Variants in SLC30A5 observed in about 807,000 individuals in gnomAD.
The protein encoded by SLC30A5 is proton-coupled zinc antiporter SLC30A5.
SLC30A5 carries 33 observed loss-of-function variants against 79.6 expected under a neutral mutation model. The ratio of observed to expected loss-of-function variants is 0.41; its 90% CI spans 0.31 to 0.55. SLC30A5 has a LOEUF of 0.55. Ranked by LOEUF, SLC30A5 falls within the 20% of genes least tolerant of loss-of-function variation. The pLI is 0.20. For missense variants in SLC30A5, 788 were observed against 928.1 expected (o/e 0.85, Z 1.96); for synonymous variants, 299 against 319.7 (o/e 0.94, Z 0.69).
At chr5:69,124,510 A>C (rs887089673) in intron 14 of SLC30A5, among the ~76,000 whole-genome samples, 11 of 152,170 alleles carry the variant, frequency 7.2e-5, no homozygotes, top group African/African-American at 2.7e-4. Flanking sequence ...ATTATATAAA[A>C]ATACATTTCC....
intron 15 of SLC30A5, 136 bp from the exon 16 acceptor site, chr5:69,129,311 A>G: frequency 1.7e-6 from 1 of 591,482 alleles, no homozygotes; most frequent in East Asian, 3.1e-5. Flanking sequence ...AAAAAGTTTC[A>G]GATTTTAGAG....
In SLC30A5 at chr5:69,116,408, T is replaced by C; in HGVS notation, c.1087T>C (p.Ser363Pro). The change falls in exon 10 of 16, where the codon TCA becomes CCA. Residue 363 changes from serine to proline, a missense_variant. Physicochemically the swap from Ser to Pro is moderately conservative, Grantham distance 74. Around this residue, in one of 3 missense-constraint regions of SLC30A5, gnomAD observed 626 missense variants for 755.5 expected, o/e 0.83. Coordinates refer to ENST00000396591, the MANE Select transcript of SLC30A5 (RefSeq NM_022902.5). The surrounding 1 kb of genome is among the most constrained non-coding windows in gnomAD (Gnocchi z 4.0). ...TCTCTTTGTAGCTGCCAATATCTTA[T>C]CATCTCCCTCTAAGAGAGGACAAAA... ...IFFILSANIL[S>P]SPSKRGQKGT... 2.5e-6 allele frequency: 4 copies of C among 1,582,900 alleles called. No individual in the cohort carries two copies. The highest frequency in any genetic ancestry group is 3.4e-6 in the Non-Finnish European group (4 of 1,170,494).
rs1439269719 is a variant in SLC30A5, at chr5:69,117,249, T to G, written c.1292T>G (p.Phe431Cys). 1 of 1,611,660 alleles carries G rather than the reference T, an allele frequency of 6.2e-7. No individual in the cohort carries two copies. Among genetic ancestry groups the G allele is most frequent in the African/African-American group, 1.3e-5 (1 of 74,840 alleles). ...YFLCLNLLFT[F>C]VELFYGVLTN... The stretch of plus-strand genomic sequence containing the variant: ...TGGTGACATTTTTAGCTTTTTACCT[T>G]TGTGGAATTATTCTATGGCGTGCTG... Residue 431 changes from phenylalanine to cysteine, a missense_variant, in exon 11 of 16, where the codon TTT (phenylalanine) becomes TGT (cysteine). By Grantham distance (205) the Phe-to-Cys change is radical. Coordinates refer to ENST00000396591, the MANE Select transcript of SLC30A5 (RefSeq NM_022902.5).
intron 4 of SLC30A5, among the ~76,000 whole-genome samples, chr5:69,107,186 T>C (rs1746101802): frequency 6.6e-6 from 1 of 152,114 alleles, no homozygotes; most frequent in African/African-American, 2.4e-5. Flanking sequence ...AACTAAGACA[T>C]GCACACATTA....
In SLC30A5 at chr5:69,118,549, T is replaced by C. The variant is rs749334406; in HGVS notation, c.1490T>C (p.Ile497Thr). The C allele has an allele frequency of 1.2e-6, 2 of 1,603,302 alleles. No homozygotes were observed. Among genetic ancestry groups the C allele is most frequent in the South Asian group, 1.1e-5 (1 of 89,378 alleles). The part of the protein sequence containing the change: ...LSGFINGLFL[I>T]VIAFFVFMES... ...GGATTTATTAATGGACTTTTTCTAA[T>C]AGTAATAGCGTTTTTTGTGTTTATG... Residue 497 changes from isoleucine to threonine, a missense_variant, in exon 12 of 16, where the codon ATA becomes ACA. Ile to Thr is a moderately conservative substitution (Grantham distance 89). Coordinates refer to ENST00000396591, the MANE Select transcript of SLC30A5 (RefSeq NM_022902.5).
At chr5:69,109,481 CAT>C (rs898150265) in intron 5 of SLC30A5, among the ~76,000 whole-genome samples, 3 of 152,064 alleles carry the variant, frequency 2.0e-5, no homozygotes, top group African/African-American at 7.2e-5. Context: ...GAAATTTTGT[CAT>C]GTGTAGATTT....
intron 5 of SLC30A5, among the ~76,000 whole-genome samples, chr5:69,112,185 T>C (rs1159696819): frequency 6.6e-6 from 1 of 151,890 alleles, no homozygotes; most frequent in African/African-American, 2.4e-5. Flanking sequence ...TAATCCCAGC[T>C]ACTCAGGAGG....
chr5:69,111,211 G>A (rs1561292172), intron 5 of SLC30A5, among the ~76,000 whole-genome samples: 1 of 151,690 alleles, frequency 6.6e-6, no homozygotes, highest in African/African-American at 2.4e-5. Flanking sequence ...CCAGGCTGGT[G>A]TTGAACTCCT....
chr5:69,112,171 C>T (rs1746251666), intron 5 of SLC30A5, among the ~76,000 whole-genome samples: 1 of 152,010 alleles, frequency 6.6e-6, no homozygotes, highest in Non-Finnish European at 1.5e-5. Context: ...GTGATGTGCA[C>T]CTGTAATCCC....
At chr5:69,107,806 T>C (rs1460764897) in intron 4 of SLC30A5, among the ~76,000 whole-genome samples, 1 of 151,894 alleles carries the variant, frequency 6.6e-6, no homozygotes, top group African/African-American at 2.4e-5. Flanking sequence ...GATCTTGGCT[T>C]ACTGCAACCT....
chr5:69,111,824 G>A (rs1746241253), intron 5 of SLC30A5, among the ~76,000 whole-genome samples: 1 of 152,012 alleles, frequency 6.6e-6, no homozygotes, highest in Non-Finnish European at 1.5e-5. Context: ...CATTATAGTG[G>A]TAATCATAGA....
intron 5 of SLC30A5, 29 bp downstream of exon 5, chr5:69,108,465 A>AT: frequency 6.9e-7 from 1 of 1,444,028 alleles, no homozygotes; most frequent in Non-Finnish European, 9.7e-7. Context: ...AGTTACTTGG[A>AT]AATGGAAAGT....
At chr5:69,113,526 C>CATA (rs2307994) in intron 6 of SLC30A5, among the ~76,000 whole-genome samples, 103,239 of 151,468 alleles carry the variant, frequency 0.68, 35,733 homozygotes, top group East Asian at 0.87. Flanking sequence ...TGCCACTCAA[C>CATA]ATGTTTGCTC....
At chr5:69,103,260 G>T in intron 3 of SLC30A5, 132 bp downstream of exon 3, 2 of 569,012 alleles carry the variant, frequency 3.5e-6, no homozygotes, top group Non-Finnish European at 6.4e-6. Context: ...GAGTTAACTT[G>T]CTCTTGTCTT....
intron 8 of SLC30A5, 147 bp downstream of exon 8, chr5:69,115,554 T>TA (rs1746344401): frequency 3.0e-6 from 2 of 675,196 alleles, no homozygotes; most frequent in African/African-American, 3.7e-5. Flanking sequence ...TTGTAGTTTT[T>TA]TAAAAAAAAT....
chr5:69,102,269 G>T (rs1374312022), intron 2 of SLC30A5, among the ~76,000 whole-genome samples: 2 of 151,202 alleles, frequency 1.3e-5, no homozygotes, highest in African/African-American at 4.9e-5. Context: ...GGCCAGGCTG[G>T]TCTCCAACTC....
intron 4 of SLC30A5, among the ~76,000 whole-genome samples, chr5:69,107,412 A>G (rs1746107986): frequency 6.6e-6 from 1 of 152,200 alleles, no homozygotes; most frequent in Non-Finnish European, 1.5e-5. Flanking sequence ...GTCAAAGGAT[A>G]TAGTTACTTT....
intron 11 of SLC30A5, 53 bp from the exon 12 acceptor site, chr5:69,118,446 A>C: frequency 6.6e-7 from 1 of 1,513,308 alleles, no homozygotes. Flanking sequence ...TAAAGTTTAT[A>C]CTTTAAAAAT....
intron 7 of SLC30A5, among the ~76,000 whole-genome samples, chr5:69,114,786 A>G (rs1746317101): frequency 6.6e-6 from 1 of 152,038 alleles, no homozygotes; most frequent in African/African-American, 2.4e-5. Context: ...AATCACTTGA[A>G]CCCGGGAGGC....
Sources: allele counts gnomAD v4.1 joint callset (sites outside exome capture counted in the v4.1 genomes callset), GRCh38; gene constraint gnomAD v4.1.1; regional missense constraint gnomAD v4.1.1; non-coding constraint Gnocchi (gnomAD v3.1); transcripts MANE v1.5; gene names NCBI Gene and HGNC (gene_info 2026-07-23, HGNC 2026-07-21).